NIPAL4: variants seen among roughly 807,000 people sequenced by gnomAD.
NIPAL4 encodes the protein magnesium transporter NIPA4.
Under a neutral mutation model 31.6 loss-of-function variants are expected in NIPAL4, and 21 were observed. The ratio of observed to expected loss-of-function variants is 0.67; its 90% CI spans 0.47 to 0.96. The LOEUF (loss-of-function observed/expected upper bound fraction) is 0.96. Among genes scored for constraint, NIPAL4 ranks in the 40% least tolerant of loss-of-function variants. The pLI, the probability that NIPAL4 is intolerant of heterozygous loss-of-function variation, is 0.00. For missense variants in NIPAL4, 438 were observed against 508.0 expected, an observed-to-expected ratio of 0.86 and a Z score of 1.32; for synonymous variants, 175 against 211.1, an observed-to-expected ratio of 0.83 and a Z score of 1.48.
At chr5:157,467,694 C>T (rs1279564716) in intron 3 of NIPAL4, 1 of 158,010 alleles carries the variant, frequency 6.3e-6, no homozygotes, top group Non-Finnish European at 1.4e-5. Context: ...AAAGGGGAGA[C>T]CCAGGTGGTT....
chr5:157,471,741 AG>A lies in NIPAL4; in HGVS notation c.511del (p.Val171Ter). 1 of 1,606,312 alleles carries A rather than the reference AG, an allele frequency of 6.2e-7. No homozygotes were observed. The highest frequency in any genetic ancestry group is 8.5e-7 in the Non-Finnish European group (1 of 1,176,130). On this transcript the variant is annotated frameshift_variant, in exon 5 of 6. Coordinates refer to ENST00000311946, the MANE Select transcript of NIPAL4 (RefSeq NM_001099287.2). LOFTEE classifies it high-confidence loss of function. ...GCVICVAGST[V>X]MVIHAPEEEK... ...GTGTGATCTGTGTGGCCGGAAGCAC[AG>A]TGATGGTGATACATGCTCCTGAGGA...
Position 157,468,754 on chromosome 5 carries a change from T to C in NIPAL4, c.367T>C (p.Tyr123His). 1.2e-6 allele frequency: 2 copies of C among 1,612,410 alleles called. No individual in the cohort carries two copies. The highest frequency in any genetic ancestry group is 4.5e-5 in the East Asian group (2 of 44,806). ...AAGEVANFGA[Y>H]AFAPATVVTP... Reference sequence around the variant, plus strand: ...TGGAGAAGTTGCCAACTTTGGAGCCTACGCATTTGCACCTGCAACAGTCGT... The same window carrying C: ...TGGAGAAGTTGCCAACTTTGGAGCCCACGCATTTGCACCTGCAACAGTCGT... Residue 123 changes from tyrosine (Y) to histidine (H), a missense_variant, in exon 4 of 6, where the codon TAC (tyrosine) becomes CAC (histidine). Tyr to His is a moderately conservative substitution (Grantham distance 83). Coordinates refer to ENST00000311946, the MANE Select transcript of NIPAL4 (RefSeq NM_001099287.2).
chr5:157,462,433 G>T (rs1396206556), intron 1 of NIPAL4, among the ~76,000 whole-genome samples: 1 of 152,170 alleles, frequency 6.6e-6, no homozygotes, highest in Non-Finnish European at 1.5e-5. Context: ...CAGGAGGATA[G>T]CTTGAGGCTA....
intron 1 of NIPAL4, among the ~76,000 whole-genome samples, chr5:157,461,318 A>T (rs1278179993): frequency 6.6e-6 from 1 of 152,246 alleles, no homozygotes; most frequent in Non-Finnish European, 1.5e-5. Flanking sequence ...TACTTTGGCC[A>T]TCAGCCCTCT....
chr5:157,469,295 G>T (rs1272775719), intron 4 of NIPAL4, among the ~76,000 whole-genome samples: 1 of 152,156 alleles, frequency 6.6e-6, no homozygotes, highest in African/African-American at 2.4e-5. Context: ...TTGTTCTGAG[G>T]ATTTAATGAG....
At chr5:157,464,939 G>A (rs1213537000) in intron 2 of NIPAL4, among the ~76,000 whole-genome samples, 3 of 152,188 alleles carry the variant, frequency 2.0e-5, no homozygotes, top group African/African-American at 7.2e-5. Flanking sequence ...ATAAGAAAAT[G>A]CAACATAGTT....
intron 2 of NIPAL4, among the ~76,000 whole-genome samples, chr5:157,464,206 G>A (rs1239578153): frequency 1.3e-5 from 2 of 152,130 alleles, no homozygotes; most frequent in Non-Finnish European, 2.9e-5. Flanking sequence ...GTTCCAGGCA[G>A]AAGGAATAAC....
chr5:157,472,236 C>A, intron 5 of NIPAL4, 96 bp from the exon 6 acceptor site: 1 of 1,202,108 alleles, frequency 8.3e-7, no homozygotes, highest in South Asian at 1.4e-5. Context: ...CTAGAGCCCA[C>A]GATCTTAATG....
At chr5:157,462,262 A>G (rs953286111) in intron 1 of NIPAL4, among the ~76,000 whole-genome samples, 3 of 152,312 alleles carry the variant, frequency 2.0e-5, no homozygotes, top group African/African-American at 7.2e-5. Context: ...GCCTTAGAAG[A>G]GGGCCCAATA....
intron 1 of NIPAL4, among the ~76,000 whole-genome samples, chr5:157,460,855 G>A (rs914003432): frequency 6.6e-6 from 1 of 152,154 alleles, no homozygotes; most frequent in Admixed American, 6.5e-5. Flanking sequence ...GCAGGTAGTG[G>A]ACTAGGCCCT....
chr5:157,473,248 C>G lies in NIPAL4; in HGVS notation c.*288C>G, dbSNP rs545182243. 4 of 333,736 alleles carry G rather than the reference C, an allele frequency of 1.2e-5. No homozygotes were observed. Among genetic ancestry groups the G allele is most frequent in the African/African-American group, 6.3e-5 (3 of 47,888 alleles). The allele number at this position is 333,736 out of a possible 1,614,324, so 20.7% of individuals were successfully genotyped here. A position where few individuals can be genotyped will look rare whatever the true frequency, so the allele number is the denominator to read the frequency against. Reference sequence around the variant, plus strand: ...TCATTCTTTCGGTGCCATCTCTATGCCGTTGGGAAGAAGATGGAGTCTGAC... The same window carrying G: ...TCATTCTTTCGGTGCCATCTCTATGGCGTTGGGAAGAAGATGGAGTCTGAC... On this transcript the variant is annotated 3_prime_UTR_variant, in exon 6 of 6. Coordinates refer to ENST00000311946, the MANE Select transcript of NIPAL4 (RefSeq NM_001099287.2).
At chr5:157,468,291 T>C (rs1754337838) in intron 3 of NIPAL4, among the ~76,000 whole-genome samples, 1 of 152,076 alleles carries the variant, frequency 6.6e-6, no homozygotes, top group Admixed American at 6.6e-5. Context: ...AGGGGAAAAG[T>C]GGGGTCCATG....
intron 2 of NIPAL4, among the ~76,000 whole-genome samples, chr5:157,465,587 A>G (rs1041499764): frequency 2.0e-5 from 3 of 152,212 alleles, no homozygotes; most frequent in African/African-American, 7.2e-5. Context: ...CAAAGCAGAC[A>G]CAATTCCTGG....
Position 157,466,171 on chromosome 5 carries a change from C to A in NIPAL4, c.278-878C>A, listed in dbSNP as rs1048771039. On this transcript the variant is annotated intron_variant, in intron 2 of 5. Transcript: ENST00000311946. ...CATCGTAGGGGAAGCAACATTCACACAGCAACCTGTAGAGTGAGTGTAAGT... is the reference window on the plus strand; with the variant it reads ...CATCGTAGGGGAAGCAACATTCACAAAGCAACCTGTAGAGTGAGTGTAAGT... 2.0e-5 allele frequency among the ~76,000 whole-genome samples: 3 copies of A among 152,144 alleles called. 1 individual carries two copies. Among genetic ancestry groups the A allele is most frequent in the African/African-American group, 7.2e-5 (3 of 41,424 alleles).
intron 1 of NIPAL4, chr5:157,460,689 G>A: frequency 1.8e-6 from 1 of 552,818 alleles, no homozygotes; most frequent in Non-Finnish European, 3.5e-6. Context: ...TTTTTAATGT[G>A]TAGTTGCTTC....
At chr5:157,463,751 C>T (rs1157960415) in intron 2 of NIPAL4, among the ~76,000 whole-genome samples, 1 of 152,200 alleles carries the variant, frequency 6.6e-6, no homozygotes, top group Non-Finnish European at 1.5e-5. Flanking sequence ...TGTGCCCTCA[C>T]TTAGCATCCA....
In NIPAL4 at chr5:157,472,714, G is replaced by A; in HGVS notation, c.969G>A (p.Val323=). 6.2e-7 allele frequency: 1 copy of A among 1,613,960 alleles called. No individual in the cohort carries two copies. Among genetic ancestry groups the A allele is most frequent in the East Asian group, 2.2e-5 (1 of 44,880 alleles). Residue 323 remains valine, a synonymous_variant, in exon 6 of 6, where the codon GTG becomes GTA. Coordinates refer to ENST00000311946, the MANE Select transcript of NIPAL4 (RefSeq NM_001099287.2). ...AGGAGTGGTACAGCATGTCTGCTGT[G>A]GACATTGCAGGCACCCTCTCGGGCT... ...LFKEWYSMSA[V]DIAGTLSGFV...
intron 2 of NIPAL4, among the ~76,000 whole-genome samples, 185 bp downstream of exon 2, chr5:157,463,518 T>C (rs1581265972): frequency 6.6e-6 from 1 of 152,220 alleles, no homozygotes; most frequent in East Asian, 1.9e-4. Flanking sequence ...ATAGGAGGTC[T>C]CAGTTTAGAG....
intron 2 of NIPAL4, among the ~76,000 whole-genome samples, chr5:157,463,642 G>C (rs1338037416): frequency 6.6e-6 from 1 of 152,138 alleles, no homozygotes; most frequent in Admixed American, 6.5e-5. Context: ...TGCATGTCTG[G>C]TCTTGGTCTT....
Sources: allele counts gnomAD v4.1 joint callset (sites outside exome capture counted in the v4.1 genomes callset), GRCh38; gene constraint gnomAD v4.1.1; transcripts MANE v1.5; gene names NCBI Gene and HGNC (gene_info 2026-07-23, HGNC 2026-07-21).